Variants in SREBF1 observed in about 807,000 individuals in gnomAD.
SREBF1 encodes sterol regulatory element-binding protein 1.
In SREBF1, 45 loss-of-function variants were observed where a neutral mutation model predicts 100.1. The observed-to-expected ratio is 0.45, with a 90% CI of 0.35 to 0.58. The LOEUF is 0.58. Ranked by LOEUF, SREBF1 falls within the 20% of genes least tolerant of loss-of-function variation. The probability of loss-of-function intolerance (pLI) is 0.00; values close to 1 mark genes in which losing one functional copy is unlikely to be tolerated. For synonymous variants in SREBF1, 657 were observed against 681.8 expected (o/e 0.96, Z 0.57); for missense variants, 1,324 against 1,539.4 (o/e 0.86, Z 2.34).
At chr17:17,823,699 C>T in intron 1 of SREBF1, 1 of 760,572 alleles carries the variant, frequency 1.3e-6, no homozygotes, top group South Asian at 3.4e-5. Context: ...CAGCCCCGCC[C>T]CGCCTGCAGG....
At chr17:17,813,938 C>A in intron 16 of SREBF1, 169 bp from the exon 17 acceptor site, 1 of 772,568 alleles carries the variant, frequency 1.3e-6, no homozygotes. Flanking sequence ...CCGCCTCTCT[C>A]GGCCCCCACA....
chr17:17,813,005 T>G, intron 18 of SREBF1, 154 bp from the exon 19 acceptor site: 1 of 665,876 alleles, frequency 1.5e-6, no homozygotes, highest in Non-Finnish European at 2.5e-6. Context: ...CACCCTAGTC[T>G]CAGCCCACAC....
intron 1 of SREBF1, among the ~76,000 whole-genome samples, chr17:17,832,952 GA>G (rs1255951821): frequency 3.3e-5 from 5 of 150,466 alleles, no homozygotes; most frequent in African/African-American, 9.8e-5. Flanking sequence ...AAAAAACAAA[GA>G]AAAAAACCGG....
In SREBF1 at chr17:17,817,386, C is replaced by T. The variant is rs781342104; in HGVS notation, c.1476G>A (p.Thr492=). 12 of 1,606,090 alleles carry T rather than the reference C, an allele frequency of 7.5e-6. No homozygotes were observed. Among genetic ancestry groups the T allele is most frequent in the African/African-American group, 5.4e-5 (4 of 74,762 alleles). The change falls in exon 8 of 19, where the codon ACG becomes ACA. Residue 492 remains threonine (T), a synonymous_variant. Coordinates refer to ENST00000261646, the MANE Select transcript of SREBF1 (RefSeq NM_004176.5). The surrounding 1 kb of genome is among the most constrained non-coding windows in gnomAD (Gnocchi z 6.6). ...TGCAGGACAGGCAGAGGAAGACGAGCGTGCACAGGGCCAGGCGGGAGCGGT... is the reference window on the plus strand; with the variant it reads ...TGCAGGACAGGCAGAGGAAGACGAGTGTGCACAGGGCCAGGCGGGAGCGGT... ...MLDRSRLALC[T]LVFLCLSCNP... is the part of the protein sequence containing the mutation.
intron 2 of SREBF1, 66 bp from the exon 3 acceptor site, chr17:17,819,791 G>T: frequency 6.6e-7 from 1 of 1,506,886 alleles, no homozygotes; most frequent in Non-Finnish European, 8.9e-7. Flanking sequence ...CTGCTCTTCA[G>T]GTCTCTATCA....
At position 17,817,961 on chromosome 17, in the gene SREBF1, T is replaced by G; in HGVS notation, c.1184-45A>C. 1 of 1,579,676 alleles carries G rather than the reference T, an allele frequency of 6.3e-7. No homozygotes were observed. Among genetic ancestry groups the G allele is most frequent in the Admixed American group, 1.7e-5 (1 of 59,988 alleles). ...GAGCCAGGAGTAAAGGCTGGATATG[T>G]GACCCCAAATCAGAGCCTAGGCCCT... On this transcript the variant is annotated intron_variant, in intron 6 of 18. Coordinates refer to ENST00000261646, the MANE Select transcript of SREBF1 (RefSeq NM_004176.5). The surrounding 1 kb of genome is among the most constrained non-coding windows in gnomAD (Gnocchi z 6.6).
At chr17:17,822,414 CT>C (rs1303788401) in intron 1 of SREBF1, among the ~76,000 whole-genome samples, 1 of 152,252 alleles carries the variant, frequency 6.6e-6, no homozygotes, top group Non-Finnish European at 1.5e-5. Context: ...GGCCTGGCCA[CT>C]CAGGGCTTTG....
intron 1 of SREBF1, among the ~76,000 whole-genome samples, chr17:17,822,381 C>T (rs2034160497): frequency 6.6e-6 from 1 of 152,270 alleles, no homozygotes; most frequent in African/African-American, 2.4e-5. Context: ...GCTTTGCCTG[C>T]AGCCAAGTAG....
intron 1 of SREBF1, chr17:17,823,721 C>T (rs2034293039): frequency 4.3e-6 from 2 of 465,478 alleles, no homozygotes; most frequent in Non-Finnish European, 2.9e-6. Flanking sequence ...CCCGCCCCGC[C>T]CCGCCCTTCG....
chr17:17,818,221 G>T, intron 6 of SREBF1, 39 bp downstream of exon 6: 2 of 1,566,182 alleles, frequency 1.3e-6, no homozygotes, highest in South Asian at 2.2e-5. Flanking sequence ...CAAGGCTAGA[G>T]AAGAGGCCAG....
chr17:17,833,452 T>C (rs867084257), intron 1 of SREBF1, among the ~76,000 whole-genome samples: 6 of 86,636 alleles, frequency 6.9e-5, no homozygotes, highest in Admixed American at 4.5e-4. Context: ...AAAAAAAAAA[T>C]ATATATATAT....
intron 1 of SREBF1, chr17:17,820,799 C>T: frequency 2.0e-6 from 1 of 507,470 alleles, no homozygotes; most frequent in Non-Finnish European, 3.6e-6. Flanking sequence ...CAATCTTGCC[C>T]CACAGCTAGG....
rs1191852601 is a variant in SREBF1 at position 17,811,973 on chromosome 17, C to G, written c.*649G>C. The G allele has an allele frequency of 2.2e-6, 1 of 447,190 alleles. No individual in the cohort carries two copies. Among genetic ancestry groups the G allele is most frequent in the African/African-American group, 2.0e-5 (1 of 49,234 alleles). The allele number at this position is 447,190 out of a possible 1,614,324, so 27.7% of individuals were successfully genotyped here. On this transcript the variant is annotated 3_prime_UTR_variant, in exon 19 of 19. Transcript: ENST00000261646. The stretch of plus-strand genomic sequence containing the variant: ...AAGAGCTAAGTTAAAAGTTGTGTAC[C>G]TTGTGGCCGGAGGGGGAGGGGAAGC...
chr17:17,812,457 G>GC lies in SREBF1; in HGVS notation c.*164dup. ...CCGCCGGTCTTAGGGTCAAGATCGC[G>GC]CCCCTCGGGCCTTCCACCGCGAAGG... is the stretch of plus-strand genomic sequence containing the variant. On this transcript the variant is annotated 3_prime_UTR_variant, in exon 19 of 19. Coordinates refer to ENST00000261646, the MANE Select transcript of SREBF1 (RefSeq NM_004176.5). 1 of 718,198 alleles carries GC rather than the reference G, an allele frequency of 1.4e-6. No homozygotes were observed. The highest frequency in any genetic ancestry group is 2.3e-6 in the Non-Finnish European group (1 of 438,904). 44.5% of individuals were successfully genotyped at this position (718,198 alleles called of 1,614,324 possible).
rs1449283240 is a variant in SREBF1 at position 17,817,728 on chromosome 17, C to T, written c.1372G>A (p.Glu458Lys). ...TCCTCAAAGACTGGGCTGTCAGGCTCCGAGTCACTGCCACTGCCACCGCTG... is the reference window on the plus strand; with the variant it reads ...TCCTCAAAGACTGGGCTGTCAGGCTTCGAGTCACTGCCACTGCCACCGCTG... ...SGSGGSGSDSEPDSPVFEDSK... is the reference protein window; with the variant it reads ...SGSGGSGSDSKPDSPVFEDSK... The change falls in exon 7 of 19, where the codon GAG (glutamate) becomes AAG (lysine). Residue 458 changes from glutamate (E) to lysine (K), a missense_variant. Glu to Lys is a moderately conservative substitution (Grantham distance 56, BLOSUM62 1). Transcript: ENST00000261646. This position sits in a 1 kb window ranked among gnomAD's most constrained non-coding sequence, Gnocchi z 6.6. 6.2e-7 allele frequency: 1 copy of T among 1,613,302 alleles called. No homozygotes were observed. Among genetic ancestry groups the T allele is most frequent in the African/African-American group, 1.3e-5 (1 of 74,878 alleles).
intron 1 of SREBF1, among the ~76,000 whole-genome samples, chr17:17,835,328 G>A (rs980107705): frequency 2.6e-5 from 4 of 152,122 alleles, no homozygotes; most frequent in Non-Finnish European, 1.5e-5. Context: ...ACAACCCCTC[G>A]TGCCAGGGAT....
intron 10 of SREBF1, 23 bp from the exon 11 acceptor site, chr17:17,816,396 G>T (rs775694011): frequency 1.4e-5 from 22 of 1,595,848 alleles, no homozygotes; most frequent in Admixed American, 3.5e-5. Context: ...CAGGCATGAG[G>T]CTGTGGGTGG....
Position 17,817,722 on chromosome 17 carries a change from C to T in SREBF1, c.1378G>A (p.Asp460Asn), listed in dbSNP as rs377633153. 10 of 1,613,304 alleles carry T rather than the reference C, an allele frequency of 6.2e-6. No homozygotes were observed. The highest frequency in any genetic ancestry group is 8.5e-6 in the Non-Finnish European group (10 of 1,180,010). ...SGGSGSDSEP[D>N]SPVFEDSKAK... The stretch of plus-strand genomic sequence containing the variant: ...TTGCTGTCCTCAAAGACTGGGCTGT[C>T]AGGCTCCGAGTCACTGCCACTGCCA... Residue 460 changes from aspartate (D) to asparagine (N), a missense_variant, in exon 7 of 19, where the codon GAC becomes AAC. Physicochemically the swap from Asp to Asn is conservative, Grantham distance 23. Coordinates refer to ENST00000261646, the MANE Select transcript of SREBF1 (RefSeq NM_004176.5). This position sits in a 1 kb window ranked among gnomAD's most constrained non-coding sequence, Gnocchi z 6.6.
In SREBF1 at chr17:17,835,869, C is replaced by T. The variant is rs2035191265; in HGVS notation, c.91+858G>A. 2.0e-5 allele frequency among the ~76,000 whole-genome samples: 3 copies of T among 152,354 alleles called. No individual in the cohort carries two copies. In the South Asian group the frequency reaches 6.2e-4, roughly 32 times the overall value. ...CGGTTTGCGTCCTCCTCCTCCCTGACCTCACTCCTTTGCAAGCCTCTAACT... is the reference window on the plus strand; with the variant it reads ...CGGTTTGCGTCCTCCTCCTCCCTGATCTCACTCCTTTGCAAGCCTCTAACT... On this transcript the variant is annotated intron_variant, in intron 1 of 18. Coordinates refer to ENST00000261646, the MANE Select transcript of SREBF1 (RefSeq NM_004176.5).
Sources: allele counts gnomAD v4.1 joint callset (sites outside exome capture counted in the v4.1 genomes callset), GRCh38; gene constraint gnomAD v4.1.1; non-coding constraint Gnocchi (gnomAD v3.1); transcripts MANE v1.5; gene names NCBI Gene and HGNC (gene_info 2026-07-23, HGNC 2026-07-21).